Variants in PRKN observed in about 807,000 individuals in gnomAD.
PRKN encodes the protein E3 ubiquitin-protein ligase parkin.
In PRKN, 56 loss-of-function variants were observed where a neutral mutation model predicts 59.5. That is an observed-to-expected ratio of 0.94 (90% confidence interval 0.76 to 1.18). The LOEUF (loss-of-function observed/expected upper bound fraction) is 1.18. Ranked by LOEUF, PRKN falls within the 50% of genes most tolerant of loss-of-function variation. PRKN has a pLI of 0.00. For synonymous variants in PRKN, 250 were observed against 222.1 expected (o/e 1.13, Z -1.12); for missense variants, 657 against 596.4 (o/e 1.10, Z -1.06).
In PRKN at chr6:161,846,573, G is replaced by C. The variant is rs1049713894; in HGVS notation, c.735-60665C>G. ...TGAGGAAAATACAGGTATATCCAAA[G>C]GATTACATCATAGTTCTTACATAAA... On this transcript the variant is annotated intron_variant, in intron 6 of 11. Transcript: ENST00000366898. Among the ~76,000 whole-genome samples, 3 of 150,386 alleles carry C rather than the reference G, an allele frequency of 2.0e-5. No individual in the cohort carries two copies. In the East Asian group the frequency reaches 5.9e-4, roughly 30 times the overall value.
chr6:161,815,915 A>G (rs974213856), intron 6 of PRKN, among the ~76,000 whole-genome samples: 2 of 152,260 alleles, frequency 1.3e-5, no homozygotes, highest in Non-Finnish European at 2.9e-5. Flanking sequence ...ATGCACACGT[A>G]CACTCACTAT....
intron 2 of PRKN, among the ~76,000 whole-genome samples, chr6:162,354,898 C>T (rs1784781996): frequency 6.6e-6 from 1 of 151,876 alleles, no homozygotes; most frequent in Admixed American, 6.6e-5. Context: ...TTTGGAGACT[C>T]TTAAAATATC....
chr6:162,635,840 G>T (rs1016539477), intron 1 of PRKN, among the ~76,000 whole-genome samples: 1 of 152,016 alleles, frequency 6.6e-6, no homozygotes, highest in African/African-American at 2.4e-5. Context: ...ATTCGCTTCC[G>T]GTTTGGGGGC....
rs145686648 is a variant in PRKN, at chr6:161,698,965, C to T, written c.871+86807G>A. ...TAAAAGACTGAAACAGCAACCTTTA[C>T]CTTGGGAGAAAATATTTTCATGTAT... is the stretch of plus-strand genomic sequence containing the variant. On this transcript the variant is annotated intron_variant, in intron 7 of 11. Coordinates refer to ENST00000366898, the MANE Select transcript of PRKN (RefSeq NM_004562.3). Among the ~76,000 whole-genome samples, 8 of 152,176 alleles carry T rather than the reference C, an allele frequency of 5.3e-5. No individual in the cohort carries two copies. In the East Asian group the frequency reaches 1.5e-3, roughly 29 times the overall value.
intron 2 of PRKN, among the ~76,000 whole-genome samples, chr6:162,288,261 C>G (rs1781281550): frequency 6.6e-6 from 1 of 152,138 alleles, no homozygotes; most frequent in African/African-American, 2.4e-5. Context: ...CTGGTTTTGG[C>G]TGCTGGTAGT....
chr6:161,705,381 T>C (rs1786443121), intron 7 of PRKN, among the ~76,000 whole-genome samples: 1 of 152,206 alleles, frequency 6.6e-6, no homozygotes, highest in African/African-American at 2.4e-5. Flanking sequence ...ATGCAATTTA[T>C]TGAATACTGT....
chr6:162,675,028 TTTTATTTATTTATTTA>T (rs139787389), intron 1 of PRKN, among the ~76,000 whole-genome samples: 23 of 148,532 alleles, frequency 1.5e-4, no homozygotes, highest in Middle Eastern at 6.9e-3. Context: ...GAAGACTTTA[TTTTATTTATTTATTTA>T]TTTATTTATT....
chr6:162,201,317 T>A, intron 3 of PRKN, 65 bp from the exon 4 acceptor site: 1 of 1,568,920 alleles, frequency 6.4e-7, no homozygotes, highest in Non-Finnish European at 8.8e-7. Flanking sequence ...AAGAAACTCT[T>A]TAAAAGCTTG....
intron 4 of PRKN, among the ~76,000 whole-genome samples, chr6:162,128,230 A>G (rs117253440): frequency 6.6e-6 from 1 of 152,332 alleles, no homozygotes; most frequent in Non-Finnish European, 1.5e-5. Flanking sequence ...CTATCACATA[A>G]CAGAAAATAT....
At chr6:162,045,359 A>C (rs1370931505) in intron 5 of PRKN, among the ~76,000 whole-genome samples, 2 of 152,198 alleles carry the variant, frequency 1.3e-5, no homozygotes, top group Non-Finnish European at 2.9e-5. Flanking sequence ...TCACCACTGA[A>C]GTTATTTTCC....
intron 7 of PRKN, among the ~76,000 whole-genome samples, chr6:161,777,035 C>T (rs185821899): frequency 1.2e-4 from 18 of 152,204 alleles, no homozygotes; most frequent in East Asian, 3.9e-4. Context: ...TGATTAGGAA[C>T]GCAGGCGCTA....
rs1215530589 is a variant in PRKN, at chr6:162,472,656, T to A, written c.8-29183A>T. 1.6e-5 allele frequency among the ~76,000 whole-genome samples: 2 copies of A among 122,336 alleles called. 1 individual carries two copies. Among genetic ancestry groups the A allele is most frequent in the African/African-American group, 5.9e-5 (2 of 34,042 alleles). 80.3% of individuals were successfully genotyped at this position (122,336 alleles called of 152,430 possible). A position where few individuals can be genotyped will look rare whatever the true frequency, so the allele number is the denominator to read the frequency against. On this transcript the variant is annotated intron_variant, in intron 1 of 11. Coordinates refer to ENST00000366898, the MANE Select transcript of PRKN (RefSeq NM_004562.3). ...GCGCCCGCCACCACGCCCGGCTAAT[T>A]TTTTTTTTGTATTTTTAGTAGAGAC... is the stretch of plus-strand genomic sequence containing the variant.
intron 4 of PRKN, among the ~76,000 whole-genome samples, chr6:162,094,040 T>G (rs1779623947): frequency 6.6e-6 from 1 of 152,088 alleles, no homozygotes; most frequent in African/African-American, 2.4e-5. Context: ...TCAAGCAAGA[T>G]AAGCACTGGG....
intron 2 of PRKN, among the ~76,000 whole-genome samples, chr6:162,403,456 C>T (rs1330830551): frequency 2.6e-5 from 4 of 152,166 alleles, no homozygotes; most frequent in South Asian, 2.1e-4. Flanking sequence ...TTATTTTTAT[C>T]TACAGCATAT....
intron 3 of PRKN, among the ~76,000 whole-genome samples, chr6:162,207,228 C>T (rs9365386): frequency 0.4 from 60,551 of 151,756 alleles, 12,266 homozygotes; most frequent in East Asian, 0.61. Context: ...AAAAATTAGC[C>T]GGCTTGGTGG....
intron 4 of PRKN, among the ~76,000 whole-genome samples, chr6:162,102,859 C>T (rs1022471539): frequency 1.2e-4 from 18 of 148,770 alleles, no homozygotes; most frequent in East Asian, 1.9e-4. Flanking sequence ...CTGGCTAACA[C>T]GGTGAAACCC....
At chr6:161,839,738 T>A (rs1205132262) in intron 6 of PRKN, among the ~76,000 whole-genome samples, 1 of 152,174 alleles carries the variant, frequency 6.6e-6, no homozygotes, top group Non-Finnish European at 1.5e-5. Context: ...GGATGCTACG[T>A]GGAGCTACAG....
intron 1 of PRKN, among the ~76,000 whole-genome samples, chr6:162,604,442 T>C (rs6931742): frequency 0.034 from 5,102 of 152,268 alleles, 302 homozygotes; most frequent in African/African-American, 0.12. Flanking sequence ...AGAATATTGA[T>C]TGGAAAAGCA....
chr6:162,523,042 A>G (rs1778138595), intron 1 of PRKN, among the ~76,000 whole-genome samples: 1 of 152,160 alleles, frequency 6.6e-6, no homozygotes, highest in South Asian at 2.1e-4. Flanking sequence ...TTCCTGATAC[A>G]GTCACATCCA....
Sources: allele counts gnomAD v4.1 joint callset (sites outside exome capture counted in the v4.1 genomes callset), GRCh38; gene constraint gnomAD v4.1.1; transcripts MANE v1.5; gene names NCBI Gene and HGNC (gene_info 2026-07-23, HGNC 2026-07-21).